Variants in EXD1 observed in about 807,000 individuals in gnomAD.
EXD1 encodes the protein piRNA biogenesis protein EXD1.
In EXD1, 63 loss-of-function variants were observed where a neutral mutation model predicts 49.1. That is an observed-to-expected ratio of 1.28 (90% CI 1.05 to 1.58). The LOEUF (loss-of-function observed/expected upper bound fraction) is 1.58, where lower values mean the gene tolerates loss of function less well. EXD1 is among the 40% of genes most tolerant of loss of function. The pLI, the probability that EXD1 is intolerant of heterozygous loss-of-function variation, is 0.00. For synonymous variants in EXD1, 234 were observed against 239.2 expected (o/e 0.98, Z 0.20); for missense variants, 748 against 666.0 (o/e 1.12, Z -1.36).
At chr15:41,191,090 GT>G (rs1171500254) in intron 10 of EXD1, among the ~76,000 whole-genome samples, 2 of 152,018 alleles carry the variant, frequency 1.3e-5, no homozygotes, top group Admixed American at 1.3e-4. Context: ...ACCATGCCCA[GT>G]TAATTTTTGT....
At chr15:41,195,736 G>A in intron 9 of EXD1, 39 bp downstream of exon 9, 3 of 1,557,872 alleles carry the variant, frequency 1.9e-6, no homozygotes, top group Non-Finnish European at 1.8e-6. Flanking sequence ...TACAGGAGCT[G>A]TATATACTGG....
intron 4 of EXD1, 103 bp downstream of exon 4, chr15:41,216,994 C>T: frequency 7.5e-7 from 1 of 1,329,772 alleles, no homozygotes; most frequent in Non-Finnish European, 1.0e-6. Context: ...TTTCTATTTC[C>T]TTATGCCAAG....
chr15:41,196,059 C>T (rs1344573049), intron 7 of EXD1, 22 bp from the exon 8 acceptor site: 2 of 1,566,688 alleles, frequency 1.3e-6, no homozygotes, highest in African/African-American at 2.7e-5. Flanking sequence ...CATCCAGACA[C>T]ACATACCATA....
rs1243441828 is a variant in EXD1, at chr15:41,230,650, C to T, written c.-225G>A. ...AAGTCTCGGGACGCTCCACGCCACCCGGCGGCGGTTATCAAATCACAGGCT... is the reference window on the plus strand; with the variant it reads ...AAGTCTCGGGACGCTCCACGCCACCTGGCGGCGGTTATCAAATCACAGGCT... On this transcript the variant is annotated 5_prime_UTR_variant, in exon 1 of 12. Coordinates refer to ENST00000458580, the MANE Select transcript of EXD1 (RefSeq NM_001286441.2). The T allele has an allele frequency of 7.9e-6, 10 of 1,259,068 alleles. No individual in the cohort carries two copies. Among genetic ancestry groups the T allele is most frequent in the Admixed American group, 6.9e-5 (3 of 43,582 alleles). 78.0% of individuals were successfully genotyped at this position (1,259,068 alleles called of 1,614,324 possible). A position where few individuals can be genotyped will look rare whatever the true frequency, so the allele number is the denominator to read the frequency against.
chr15:41,187,228 T>G (rs1375695198), intron 11 of EXD1, among the ~76,000 whole-genome samples: 1 of 151,912 alleles, frequency 6.6e-6, no homozygotes, highest in African/African-American at 2.4e-5. Flanking sequence ...TAGCTGGGAT[T>G]ACAGGCATGC....
chr15:41,228,264 T>C (rs1378926820), intron 1 of EXD1, among the ~76,000 whole-genome samples: 2 of 152,142 alleles, frequency 1.3e-5, no homozygotes, highest in East Asian at 3.8e-4. Flanking sequence ...AATTTAACCA[T>C]AAAAACATTG....
chr15:41,183,879 A>G lies in EXD1; in HGVS notation c.*52T>C. 6.6e-7 allele frequency: 1 copy of G among 1,513,104 alleles called. No individual in the cohort carries two copies. The highest frequency in any genetic ancestry group is 1.4e-5 in the African/African-American group (1 of 71,664). 93.7% of individuals were successfully genotyped at this position (1,513,104 alleles called of 1,614,324 possible). ...AACCTGGGCACTGTGGAAAGCCCTG[A>G]TGGCAAAGGAAATAAGCCATCTGTA... is the stretch of plus-strand genomic sequence containing the variant. On this transcript the variant is annotated 3_prime_UTR_variant, in exon 12 of 12. Transcript: ENST00000458580.
intron 2 of EXD1, among the ~76,000 whole-genome samples, chr15:41,225,855 A>T (rs2140909278): frequency 6.6e-6 from 1 of 151,848 alleles, no homozygotes; most frequent in Admixed American, 6.6e-5. Context: ...ACTGCACTCC[A>T]GCCTGGGGGA....
At chr15:41,230,346 G>A in intron 1 of EXD1, 133 bp downstream of exon 1, 1 of 884,380 alleles carries the variant, frequency 1.1e-6, no homozygotes, top group Non-Finnish European at 1.8e-6. Flanking sequence ...GCCTCCCAAA[G>A]TGCTGGGATT....
intron 11 of EXD1, among the ~76,000 whole-genome samples, chr15:41,187,263 T>C (rs1405119863): frequency 6.6e-6 from 1 of 151,994 alleles, no homozygotes; most frequent in African/African-American, 2.4e-5. Flanking sequence ...CTAATTTTTG[T>C]ATTATTAGTA....
chr15:41,184,032 T>C lies in EXD1; in HGVS notation c.1618A>G (p.Thr540Ala), dbSNP rs2046363522. The C allele has an allele frequency of 6.2e-7, 1 of 1,614,154 alleles. No homozygotes were observed. The highest frequency in any genetic ancestry group is 2.2e-5 in the East Asian group (1 of 44,882). Residue 540 changes from threonine (T) to alanine (A), a missense_variant, in exon 12 of 12, where the codon ACT becomes GCT. By Grantham distance (58) the Thr-to-Ala change is moderately conservative (BLOSUM62 0). Transcript: ENST00000458580. The stretch of plus-strand genomic sequence containing the variant: ...ACAGTCTTTCTGATAGGATAAAAAG[T>C]GTCACTTGGAGACACTCTGGTTTCC... ...PQETRVSPSD[T>A]FYPIRKTVVS...
At chr15:41,226,408 T>G (rs745601465) in intron 2 of EXD1, 35 bp downstream of exon 2, 1 of 1,532,138 alleles carries the variant, frequency 6.5e-7, no homozygotes, top group Admixed American at 2.0e-5. Flanking sequence ...ACTAATCTCT[T>G]AAAAGGCAGA....
intron 6 of EXD1, among the ~76,000 whole-genome samples, chr15:41,212,446 C>G (rs1332479987): frequency 6.7e-6 from 1 of 148,188 alleles, no homozygotes; most frequent in Non-Finnish European, 1.5e-5. Context: ...CAGAGCAAGA[C>G]TCCGTCTCAA....
intron 6 of EXD1, among the ~76,000 whole-genome samples, chr15:41,213,685 G>A (rs755942897): frequency 6.6e-6 from 1 of 152,094 alleles, no homozygotes; most frequent in Non-Finnish European, 1.5e-5. Context: ...TTTTAGTAGA[G>A]ATGGGGTTTT....
In EXD1 at chr15:41,183,025, C is replaced by A. The variant is rs1240382398; in HGVS notation, c.*906G>T. ...GATATTGGCTGGGCACCGTGCCTCACACCTGTAATCCCAGCACTTTGGAAG... is the reference window on the plus strand; with the variant it reads ...GATATTGGCTGGGCACCGTGCCTCAAACCTGTAATCCCAGCACTTTGGAAG... On this transcript the variant is annotated 3_prime_UTR_variant, in exon 12 of 12. Coordinates refer to ENST00000458580, the MANE Select transcript of EXD1 (RefSeq NM_001286441.2). The A allele has an allele frequency of 6.6e-6, 1 of 152,070 alleles. No individual in the cohort carries two copies. 9.4% of individuals were successfully genotyped at this position (152,070 alleles called of 1,614,324 possible).
chr15:41,202,917 CAAAA>C (rs1167336132), intron 7 of EXD1, among the ~76,000 whole-genome samples: 8 of 89,484 alleles, frequency 8.9e-5, no homozygotes, highest in Non-Finnish European at 1.4e-4. Flanking sequence ...GACTCTGTCT[CAAAA>C]AAAAAAAAAA....
At chr15:41,222,136 C>T (rs80051330) in intron 2 of EXD1, among the ~76,000 whole-genome samples, 24,853 of 151,984 alleles carry the variant, frequency 0.16, 3,774 homozygotes, top group African/African-American at 0.4. Context: ...CAAACGGGGC[C>T]AGGCACGGTG....
At chr15:41,215,752 T>C (rs1031410012) in intron 6 of EXD1, 23 bp downstream of exon 6, 1 of 1,610,184 alleles carries the variant, frequency 6.2e-7, no homozygotes, top group Non-Finnish European at 8.5e-7. Context: ...GCAATACTAG[T>C]AATGATTGAG....
intron 1 of EXD1, among the ~76,000 whole-genome samples, chr15:41,228,495 C>A (rs1243130474): frequency 1.3e-5 from 2 of 152,130 alleles, no homozygotes; most frequent in African/African-American, 4.8e-5. Flanking sequence ...GTAATGCAAT[C>A]TGAACTAAGA....
Sources: gnomAD v4.1 joint callset for allele counts (sites outside exome capture counted in the v4.1 genomes callset) on GRCh38, gnomAD v4.1.1 for gene constraint, MANE v1.5 for transcripts, NCBI Gene and HGNC (gene_info 2026-07-23, HGNC 2026-07-21) for gene names.